Variants in TAF3 observed in about 807,000 individuals in gnomAD.
TAF3 encodes TATA-box binding protein associated factor 3.
In TAF3, 7 loss-of-function variants were observed where a neutral mutation model predicts 80.6. The ratio of observed to expected loss-of-function variants is 0.09; its 90% CI spans 0.05 to 0.16. The LOEUF (loss-of-function observed/expected upper bound fraction) is 0.16, where lower values mean the gene tolerates loss of function less well. TAF3 is among the 10% of genes least tolerant of loss of function. TAF3 has a pLI of 1.00. For synonymous variants in TAF3, 444 were observed against 446.1 expected, an observed-to-expected ratio of 1.00 and a Z score of 0.06; for missense variants, 921 against 1,140.2, an observed-to-expected ratio of 0.81 and a Z score of 2.77.
At chr10:7,983,712 A>C (rs115092760) in intron 4 of TAF3, among the ~76,000 whole-genome samples, 1 of 152,052 alleles carries the variant, frequency 6.6e-6, no homozygotes, top group East Asian at 1.9e-4. Context: ...AGTGGCGTGC[A>C]CCTATACTCC....
chr10:7,975,278 G>C (rs1362911646), intron 3 of TAF3, among the ~76,000 whole-genome samples: 1 of 152,134 alleles, frequency 6.6e-6, no homozygotes, highest in Non-Finnish European at 1.5e-5. Flanking sequence ...ATTTCCTGTG[G>C]AGTTAGATGT....
At chr10:7,929,732 C>T (rs760556480) in intron 2 of TAF3, among the ~76,000 whole-genome samples, 48 of 152,032 alleles carry the variant, frequency 3.2e-4, no homozygotes, top group Non-Finnish European at 4.0e-4. Flanking sequence ...ATTTAATCAA[C>T]ATTACCAATA....
chr10:8,014,851 GAT>G lies in TAF3; in HGVS notation c.*101_*102del. On this transcript the variant is annotated 3_prime_UTR_variant, in exon 7 of 7. Transcript: ENST00000344293. The stretch of plus-strand genomic sequence containing the variant: ...AAGTCTGCCGTCACATCCACCCCCA[GAT>G]GCCTGTGGATAAAGAACCCAGGAGG... 1.0e-6 allele frequency: 1 copy of G among 997,874 alleles called. No homozygotes were observed. Among genetic ancestry groups the G allele is most frequent in the Non-Finnish European group, 1.5e-6 (1 of 683,542 alleles). The allele number at this position is 997,874 out of a possible 1,614,324, so 61.8% of individuals were successfully genotyped here.
intron 2 of TAF3, among the ~76,000 whole-genome samples, chr10:7,846,837 T>C (rs1233433236): frequency 6.6e-6 from 1 of 152,136 alleles, no homozygotes; most frequent in African/African-American, 2.4e-5. Flanking sequence ...AAGACTAAAA[T>C]AATAAGTGGA....
At chr10:7,947,672 G>A (rs938744079) in intron 2 of TAF3, among the ~76,000 whole-genome samples, 2 of 152,286 alleles carry the variant, frequency 1.3e-5, no homozygotes, top group East Asian at 1.9e-4. Context: ...GAGAAGCATC[G>A]AAGATGCCAG....
At chr10:7,870,306 C>A (rs1177502206) in intron 2 of TAF3, among the ~76,000 whole-genome samples, 1 of 152,164 alleles carries the variant, frequency 6.6e-6, no homozygotes, top group East Asian at 1.9e-4. Context: ...GAAACCAATT[C>A]TCACTTTTCC....
At chr10:7,986,273 A>G (rs1049057140) in intron 4 of TAF3, among the ~76,000 whole-genome samples, 8 of 152,200 alleles carry the variant, frequency 5.3e-5, no homozygotes, top group Admixed American at 3.9e-4. Flanking sequence ...TTCTCCTTCA[A>G]GAGTCAGACT....
intron 2 of TAF3, among the ~76,000 whole-genome samples, chr10:7,894,068 T>C (rs2131165380): frequency 6.6e-6 from 1 of 152,362 alleles, no homozygotes; most frequent in Admixed American, 6.5e-5. Context: ...TTATTAGTAC[T>C]AAAATTATCC....
At chr10:7,911,751 GCA>G (rs1312352991) in intron 2 of TAF3, among the ~76,000 whole-genome samples, 6 of 152,138 alleles carry the variant, frequency 3.9e-5, no homozygotes, top group African/African-American at 1.4e-4. Flanking sequence ...TAACAAATAA[GCA>G]GTGTTTACAT....
intron 2 of TAF3, among the ~76,000 whole-genome samples, chr10:7,954,694 G>C (rs1399578341): frequency 1.4e-5 from 2 of 139,534 alleles, no homozygotes; most frequent in Non-Finnish European, 3.1e-5. Flanking sequence ...TTAACACAGA[G>C]CTCTCCCTAG....
intron 2 of TAF3, among the ~76,000 whole-genome samples, chr10:7,848,152 G>T (rs552124616): frequency 6.6e-6 from 1 of 152,130 alleles, no homozygotes; most frequent in South Asian, 2.1e-4. Flanking sequence ...CAATATAAAG[G>T]TTCCATTGGA....
intron 2 of TAF3, among the ~76,000 whole-genome samples, chr10:7,934,548 G>A (rs551491996): frequency 1.1e-4 from 17 of 152,154 alleles, no homozygotes; most frequent in South Asian, 2.1e-4. Context: ...AAGTTCAAGC[G>A]ATTCTCCTGC....
rs578237829 is a variant in TAF3, at chr10:7,949,218, AG to A, written c.410-14701del. 3.0e-3 allele frequency among the ~76,000 whole-genome samples: 453 copies of A among 152,370 alleles called. 3 individuals carry two copies. The highest frequency in any genetic ancestry group is 3.7e-3 in the Non-Finnish European group (255 of 68,032). ...GAGGAAGGGGCTGGTTCTGTAAATC[AG>A]AGTCCACTTGCCCTTTGCTGTTTCC... On this transcript the variant is annotated intron_variant, in intron 2 of 6. Transcript: ENST00000344293.
intron 2 of TAF3, among the ~76,000 whole-genome samples, chr10:7,845,659 T>C (rs1174691634): frequency 6.9e-6 from 1 of 145,832 alleles, no homozygotes; most frequent in Non-Finnish European, 1.5e-5. Context: ...AGATTTAGAG[T>C]GAAGGTGAGA....
At chr10:7,897,430 A>T (rs1316584887) in intron 2 of TAF3, among the ~76,000 whole-genome samples, 1 of 152,158 alleles carries the variant, frequency 6.6e-6, no homozygotes, top group Non-Finnish European at 1.5e-5. Context: ...AATCCTATGT[A>T]TACTGTCAGA....
At chr10:7,918,879 G>A (rs560128797) in intron 2 of TAF3, among the ~76,000 whole-genome samples, 17 of 152,282 alleles carry the variant, frequency 1.1e-4, no homozygotes, top group African/African-American at 4.1e-4. Flanking sequence ...TGGAAGGAAG[G>A]AGGGAAAATA....
chr10:7,866,104 G>A (rs537084609), intron 2 of TAF3, among the ~76,000 whole-genome samples: 4 of 152,178 alleles, frequency 2.6e-5, no homozygotes, highest in Non-Finnish European at 4.4e-5. Flanking sequence ...TTTCTGGATC[G>A]TAAAGTAATT....
chr10:7,983,663 T>C (rs1831749042), intron 4 of TAF3, among the ~76,000 whole-genome samples: 1 of 152,096 alleles, frequency 6.6e-6, no homozygotes, highest in Admixed American at 6.5e-5. Flanking sequence ...TCATAGGTAT[T>C]TTGCCTACGT....
intron 2 of TAF3, among the ~76,000 whole-genome samples, chr10:7,959,887 T>C (rs973315265): frequency 2.0e-5 from 3 of 152,230 alleles, no homozygotes; most frequent in African/African-American, 7.2e-5. Context: ...CTTGAAACTG[T>C]CTTACTAGTA....
Sources: allele counts gnomAD v4.1 joint callset (sites outside exome capture counted in the v4.1 genomes callset), GRCh38; gene constraint gnomAD v4.1.1; transcripts MANE v1.5; gene names NCBI Gene and HGNC (gene_info 2026-07-23, HGNC 2026-07-21).